Variants in KLHL15 observed in about 807,000 individuals in gnomAD.
The protein encoded by KLHL15 is kelch-like protein 15.
KLHL15 carries 1 observed loss-of-function variant against 29.3 expected under a neutral mutation model. The ratio of observed to expected loss-of-function variants is 0.03; its 90% CI spans 0.01 to 0.16. The LOEUF (loss-of-function observed/expected upper bound fraction) is 0.16. KLHL15 is among the 10% of genes least tolerant of loss of function. The pLI is 1.00. For missense variants in KLHL15, 215 were observed against 478.5 expected (o/e 0.45, Z 5.14); for synonymous variants, 212 against 184.5 (o/e 1.15, Z -1.21).
chrX:23,993,153 T>C (rs779047733), intron 3 of KLHL15, among the ~76,000 whole-genome samples: 2 of 111,889 alleles, frequency 1.8e-5, no homozygotes, highest in African/African-American at 6.5e-5. Flanking sequence ...AACTAGCTAG[T>C]TATTCTCAGC....
rs112505338 is a variant in KLHL15 at position 24,008,369 on chromosome X, T to C, written c.-7-1669A>G. ...GATTCTTGTGCCTCAGCCTCCCGAG[T>C]AGCTGGGACTACAGGCACCTGCTAC... is the stretch of plus-strand genomic sequence containing the variant. On this transcript the variant is annotated intron_variant, in intron 2 of 3. Coordinates refer to ENST00000328046, the MANE Select transcript of KLHL15 (RefSeq NM_030624.3). 4.3e-3 allele frequency among the ~76,000 whole-genome samples: 484 copies of C among 111,398 alleles called. 5 individuals carry two copies. The highest frequency in any genetic ancestry group is 0.015 in the African/African-American group (461 of 30,669).
chrX:23,995,155 G>A (rs999598508), intron 3 of KLHL15, among the ~76,000 whole-genome samples: 2 of 111,676 alleles, frequency 1.8e-5, no homozygotes, highest in Non-Finnish European at 3.8e-5. Context: ...TAAAGTTGGA[G>A]AAATAACTAG....
chrX:24,018,960 G>A (rs1052926434), intron 2 of KLHL15, among the ~76,000 whole-genome samples: 3 of 68,610 alleles, frequency 4.4e-5, no homozygotes, highest in East Asian at 6.1e-4. Context: ...CCAAGATTGC[G>A]CCACCTCCAG....
chrX:24,002,713 G>C (rs1474437468), intron 3 of KLHL15, among the ~76,000 whole-genome samples: 1 of 108,534 alleles, frequency 9.2e-6, no homozygotes, highest in African/African-American at 3.4e-5. Context: ...CTGCAACCTC[G>C]ACCTCCTGGG....
At chrX:24,016,093 A>T (rs1004835173) in intron 2 of KLHL15, among the ~76,000 whole-genome samples, 1 of 108,910 alleles carries the variant, frequency 9.2e-6, no homozygotes, top group Non-Finnish European at 1.9e-5. Context: ...TCACGCTTGT[A>T]ATCTCAGCAC....
intron 2 of KLHL15, among the ~76,000 whole-genome samples, chrX:24,022,658 G>A: frequency 9.5e-6 from 1 of 104,752 alleles, no homozygotes; most frequent in East Asian, 3.0e-4. Flanking sequence ...AAAAAAAGTC[G>A]TTAAAGGTAA....
chrX:23,991,118 T>C (rs1196848661), intron 3 of KLHL15, among the ~76,000 whole-genome samples: 2 of 108,354 alleles, frequency 1.8e-5, no homozygotes, highest in Non-Finnish European at 3.8e-5. Context: ...TTTGGGAGGC[T>C]GAGGCGGGCA....
At chrX:24,017,533 C>A (rs1026620089) in intron 2 of KLHL15, among the ~76,000 whole-genome samples, 1 of 110,115 alleles carries the variant, frequency 9.1e-6, no homozygotes, top group Non-Finnish European at 1.9e-5. Context: ...ATAATCCCAC[C>A]ACTTTGGGAG....
At chrX:24,024,777 G>C (rs1929886004) in intron 2 of KLHL15, 80 bp downstream of exon 2, 1 of 296,610 alleles carries the variant, frequency 3.4e-6, no homozygotes, top group Non-Finnish European at 5.9e-6. Flanking sequence ...GTGCAGAGAG[G>C]GCCGGCGAAT....
At chrX:23,994,321 T>A (rs968047849) in intron 3 of KLHL15, among the ~76,000 whole-genome samples, 1 of 111,896 alleles carries the variant, frequency 8.9e-6, no homozygotes, top group Non-Finnish European at 1.9e-5. Context: ...TAAGAAAAAG[T>A]TCTGTAGTAA....
At chrX:23,990,903 T>C (rs1325059089) in intron 3 of KLHL15, among the ~76,000 whole-genome samples, 1 of 111,473 alleles carries the variant, frequency 9.0e-6, no homozygotes, top group East Asian at 2.8e-4. Context: ...TTTTGAAAAC[T>C]GTATTCAGTA....
chrX:24,007,504 AAAAAAT>A (rs1345256165), intron 2 of KLHL15, among the ~76,000 whole-genome samples: 21 of 54,965 alleles, frequency 3.8e-4, no homozygotes, highest in African/African-American at 1.6e-3. Context: ...AAAAAAAAAA[AAAAAAT>A]ATATATATAT....
intron 2 of KLHL15, among the ~76,000 whole-genome samples, chrX:24,015,828 G>A (rs1167646972): frequency 9.0e-6 from 1 of 110,827 alleles, no homozygotes; most frequent in Non-Finnish European, 1.9e-5. Context: ...GTGGAACCCC[G>A]TCTCTACTAC....
intron 3 of KLHL15, among the ~76,000 whole-genome samples, chrX:23,999,360 C>A (rs946027530): frequency 9.1e-6 from 1 of 109,306 alleles, no homozygotes; most frequent in Non-Finnish European, 1.9e-5. Context: ...CTTTGGGAGG[C>A]CGAGGCAGAC....
intron 2 of KLHL15, among the ~76,000 whole-genome samples, chrX:24,015,064 G>A (rs1175499880): frequency 8.9e-6 from 1 of 111,841 alleles, no homozygotes; most frequent in Non-Finnish European, 1.9e-5. Context: ...GTCTGCCCTT[G>A]GGTTCTGAGA....
At chrX:24,007,508 A>AATATATATATATAT (rs759758947) in intron 2 of KLHL15, among the ~76,000 whole-genome samples, 7 of 35,913 alleles carry the variant, frequency 1.9e-4, no homozygotes, top group African/African-American at 1.0e-3. Context: ...AAAAAAAAAA[A>AATATATATATATAT]ATATATATAT....
intron 3 of KLHL15, among the ~76,000 whole-genome samples, chrX:23,991,544 A>AAACAAACC (rs1929087347): frequency 9.1e-6 from 1 of 110,492 alleles, no homozygotes; most frequent in Admixed American, 9.7e-5. Context: ...ACAAACAAAC[A>AAACAAACC]AACAAACCAA....
chrX:23,996,320 C>G (rs1009089375), intron 3 of KLHL15, among the ~76,000 whole-genome samples: 1 of 111,954 alleles, frequency 8.9e-6, no homozygotes, highest in Non-Finnish European at 1.9e-5. Context: ...CTCTTCTCCA[C>G]CATGATGCAA....
In KLHL15 at chrX:23,984,925, G is replaced by A. The variant is rs1343069945; in HGVS notation, c.*2996C>T. 8.9e-6 allele frequency: 1 copy of A among 112,190 alleles called. No individual in the cohort carries two copies. Among genetic ancestry groups the A allele is most frequent in the African/African-American group, 3.2e-5 (1 of 30,982 alleles). 9.2% of individuals were successfully genotyped at this position (112,190 alleles called of 1,213,427 possible). ...ATTCTAGTAACACTCACACAGAGCAGAGTAATGAGGACACAGAAAGCTGTC... is the reference window on the plus strand; with the variant it reads ...ATTCTAGTAACACTCACACAGAGCAAAGTAATGAGGACACAGAAAGCTGTC... On this transcript the variant is annotated 3_prime_UTR_variant, in exon 4 of 4. Coordinates refer to ENST00000328046, the MANE Select transcript of KLHL15 (RefSeq NM_030624.3).
Sources: allele counts gnomAD v4.1 joint callset (sites outside exome capture counted in the v4.1 genomes callset), GRCh38; gene constraint gnomAD v4.1.1; transcripts MANE v1.5; gene names NCBI Gene and HGNC (gene_info 2026-07-23, HGNC 2026-07-21).